Variants in WWOX observed in about 807,000 individuals in gnomAD.
The protein encoded by WWOX is WW domain-containing oxidoreductase.
Under a neutral mutation model 46.2 loss-of-function variants are expected in WWOX, and 69 were observed. The observed-to-expected ratio is 1.49, with a 90% CI of 1.23 to 1.82. WWOX has a LOEUF of 1.82. Ranked by LOEUF, WWOX falls within the 40% of genes most tolerant of loss-of-function variation. The probability of loss-of-function intolerance (pLI) is 0.00; values close to 1 mark genes in which losing one functional copy is unlikely to be tolerated. For missense variants in WWOX, 919 were observed against 542.6 expected (o/e 1.69, Z -6.89); for synonymous variants, 359 against 202.6 (o/e 1.77, Z -6.56).
intron 8 of WWOX, among the ~76,000 whole-genome samples, chr16:78,652,408 C>CAAAAAAAAAAAAA (rs747993811): frequency 6.6e-4 from 71 of 107,278 alleles, no homozygotes; most frequent in African/African-American, 8.9e-4. Flanking sequence ...GACTCCGTCT[C>CAAAAAAAAAAAAA]AAAAAAAAAA....
chr16:78,356,444 CCAGG>C (rs2081292664), intron 5 of WWOX, among the ~76,000 whole-genome samples: 1 of 152,110 alleles, frequency 6.6e-6, no homozygotes, highest in African/African-American at 2.4e-5. Context: ...ATCTCAGTCC[CCAGG>C]CAGGAAGGAA....
chr16:79,028,861 C>G (rs1298644961), intron 8 of WWOX, among the ~76,000 whole-genome samples: 1 of 150,822 alleles, frequency 6.6e-6, no homozygotes, highest in Non-Finnish European at 1.5e-5. Context: ...ATTCTGAAAA[C>G]TGGGAAGAGA....
chr16:79,092,307 G>A (rs984680483), intron 8 of WWOX, among the ~76,000 whole-genome samples: 4 of 152,158 alleles, frequency 2.6e-5, no homozygotes, highest in African/African-American at 9.7e-5. Flanking sequence ...GAAGCCTTTG[G>A]GAGCTAGGAA....
chr16:78,975,084 C>G (rs1478217133), intron 8 of WWOX, among the ~76,000 whole-genome samples: 1 of 152,168 alleles, frequency 6.6e-6, no homozygotes, highest in Non-Finnish European at 1.5e-5. Flanking sequence ...TGCCTTGTTA[C>G]TCTGCATTTT....
At chr16:79,171,333 A>G (rs1342766383) in intron 8 of WWOX, among the ~76,000 whole-genome samples, 2 of 152,250 alleles carry the variant, frequency 1.3e-5, no homozygotes, top group Non-Finnish European at 2.9e-5. Flanking sequence ...CTCTCTTAAT[A>G]GTGTAGCACT....
At chr16:78,224,685 C>G (rs1010179587) in intron 5 of WWOX, among the ~76,000 whole-genome samples, 1 of 152,072 alleles carries the variant, frequency 6.6e-6, no homozygotes, top group African/African-American at 2.4e-5. Flanking sequence ...AGTGCTGGTT[C>G]CAAGAATAAG....
chr16:78,544,548 T>G (rs897282870), intron 8 of WWOX, among the ~76,000 whole-genome samples: 20 of 152,318 alleles, frequency 1.3e-4, no homozygotes, highest in African/African-American at 4.8e-4. Flanking sequence ...CAAAGCCATT[T>G]TTTAACTCAT....
chr16:78,576,809 C>T (rs1296800864), intron 8 of WWOX, among the ~76,000 whole-genome samples: 1 of 152,198 alleles, frequency 6.6e-6, no homozygotes, highest in Non-Finnish European at 1.5e-5. Context: ...TCAGCCTAGG[C>T]AACACAACAA....
chr16:78,670,035 C>T (rs2047423350), intron 8 of WWOX, among the ~76,000 whole-genome samples: 1 of 152,144 alleles, frequency 6.6e-6, no homozygotes, highest in East Asian at 1.9e-4. Context: ...CCTCCAGAGG[C>T]AGGAAGAGGG....
chr16:78,485,150 A>G (rs186524106), intron 8 of WWOX, among the ~76,000 whole-genome samples: 10 of 152,336 alleles, frequency 6.6e-5, no homozygotes, highest in Admixed American at 3.9e-4. Flanking sequence ...TTTAAAAAAA[A>G]AAATTAATAA....
At chr16:78,671,943 C>T (rs536682334) in intron 8 of WWOX, among the ~76,000 whole-genome samples, 3 of 152,196 alleles carry the variant, frequency 2.0e-5, no homozygotes, top group East Asian at 1.9e-4. Context: ...TAGGATTTGG[C>T]CTTCAACTGG....
intron 8 of WWOX, among the ~76,000 whole-genome samples, chr16:78,743,558 A>G (rs943738770): frequency 1.3e-5 from 2 of 152,154 alleles, no homozygotes; most frequent in African/African-American, 4.8e-5. Context: ...AATCAAAAGG[A>G]AAACACCAAC....
intron 8 of WWOX, among the ~76,000 whole-genome samples, chr16:78,542,076 T>C (rs934244474): frequency 9.3e-5 from 13 of 140,468 alleles, no homozygotes; most frequent in African/African-American, 1.8e-4. Flanking sequence ...GCTTAGGACC[T>C]GGACTTAATC....
At chr16:78,558,915 C>G (rs1057017806) in intron 8 of WWOX, among the ~76,000 whole-genome samples, 1 of 152,182 alleles carries the variant, frequency 6.6e-6, no homozygotes, top group South Asian at 2.1e-4. Flanking sequence ...CCATACTAAC[C>G]CCTACAACCA....
At chr16:79,004,443 C>G (rs1040089830) in intron 8 of WWOX, 1 of 152,258 alleles carries the variant, frequency 6.6e-6, no homozygotes, top group East Asian at 1.9e-4. Context: ...GGGGGGCAGG[C>G]AAAGCTGCGG....
intron 8 of WWOX, among the ~76,000 whole-genome samples, chr16:78,469,249 C>G (rs1479162792): frequency 3.3e-5 from 5 of 152,190 alleles, no homozygotes; most frequent in African/African-American, 4.8e-5. Context: ...ATCAAGATAT[C>G]CACCTGTAAA....
chr16:78,156,638 T>C (rs1452732814), intron 4 of WWOX, among the ~76,000 whole-genome samples: 1 of 152,080 alleles, frequency 6.6e-6, no homozygotes, highest in South Asian at 2.1e-4. Flanking sequence ...TAAATAAAGC[T>C]CTGTACTGGG....
At chr16:79,202,311 C>G (rs948983059) in intron 8 of WWOX, among the ~76,000 whole-genome samples, 3 of 152,128 alleles carry the variant, frequency 2.0e-5, no homozygotes, top group African/African-American at 7.2e-5. Context: ...CTGACTCAGT[C>G]TCCGTATTGT....
At chr16:78,684,799 C>G (rs2047817205) in intron 8 of WWOX, among the ~76,000 whole-genome samples, 2 of 152,226 alleles carry the variant, frequency 1.3e-5, no homozygotes, top group African/African-American at 4.8e-5. Flanking sequence ...TCTCTTTGTT[C>G]CCATATGTTT....
Sources: gnomAD v4.1 joint callset for allele counts (sites outside exome capture counted in the v4.1 genomes callset) on GRCh38, gnomAD v4.1.1 for gene constraint, MANE v1.5 for transcripts, NCBI Gene and HGNC (gene_info 2026-07-23, HGNC 2026-07-21) for gene names.